Variants in RAB3C observed in about 807,000 individuals in gnomAD.
RAB3C encodes ras-related protein Rab-3C.
RAB3C carries 17 observed loss-of-function variants against 26.4 expected under a neutral mutation model. The observed-to-expected ratio is 0.64, with a 90% CI of 0.44 to 0.97. RAB3C has a LOEUF of 0.97. Ranked by LOEUF, RAB3C falls within the 50% of genes least tolerant of loss-of-function variation. The pLI, the probability that RAB3C is intolerant of heterozygous loss-of-function variation, is 0.00. For synonymous variants in RAB3C, 91 were observed against 95.9 expected (o/e 0.95, Z 0.30); for missense variants, 242 against 281.9 (o/e 0.86, Z 1.01).
At chr5:58,846,517 T>A (rs559716726) in intron 4 of RAB3C, among the ~76,000 whole-genome samples, 1 of 152,244 alleles carries the variant, frequency 6.6e-6, no homozygotes, top group Non-Finnish European at 1.5e-5. Flanking sequence ...TAGCTGGGAT[T>A]ACAGGATTGT....
chr5:58,857,662 C>T lies in RAB3C; in HGVS notation c.*6311C>T, dbSNP rs1003780720. The T allele has an allele frequency of 6.6e-6, 1 of 152,116 alleles. No homozygotes were observed. The highest frequency in any genetic ancestry group is 1.5e-5 in the Non-Finnish European group (1 of 68,018). The allele number at this position is 152,116 out of a possible 1,614,324, so 9.4% of individuals were successfully genotyped here. On this transcript the variant is annotated 3_prime_UTR_variant, in exon 5 of 5. Transcript: ENST00000282878. ...TGTCAACCCTGGGAATTCTAAAATA[C>T]CAATGTATTTTTAGGTTGTAGCTAA...
intron 2 of RAB3C, among the ~76,000 whole-genome samples, chr5:58,714,354 A>G (rs1749124586): frequency 6.6e-6 from 1 of 152,192 alleles, no homozygotes; most frequent in African/African-American, 2.4e-5. Flanking sequence ...CTATAACTAG[A>G]ATTATATACC....
rs116232643 is a variant in RAB3C, at chr5:58,796,145, T to C, written c.372-28893T>C. Reference sequence around the variant, plus strand: ...AATAAAAATCTAACAGGGTCTGGGGTTCTCCAAAGCCTTTTAGTGTTAGAT... The same window carrying C: ...AATAAAAATCTAACAGGGTCTGGGGCTCTCCAAAGCCTTTTAGTGTTAGAT... On this transcript the variant is annotated intron_variant, in intron 3 of 4. Transcript: ENST00000282878. 5.5e-3 allele frequency among the ~76,000 whole-genome samples: 832 copies of C among 152,132 alleles called. 12 individuals are homozygous for C. The highest frequency in any genetic ancestry group is 0.019 in the African/African-American group (786 of 41,500).
intron 2 of RAB3C, among the ~76,000 whole-genome samples, chr5:58,714,389 G>T (rs1373200817): frequency 6.6e-6 from 1 of 152,046 alleles, no homozygotes; most frequent in African/African-American, 2.4e-5. Flanking sequence ...TCATAAGTAA[G>T]GGTTAAACAA....
chr5:58,734,916 C>A (rs1741102673), intron 3 of RAB3C, among the ~76,000 whole-genome samples: 1 of 152,234 alleles, frequency 6.6e-6, no homozygotes, highest in Admixed American at 6.5e-5. Context: ...TGTTGTCCTG[C>A]AAGCCTCCAT....
intron 2 of RAB3C, among the ~76,000 whole-genome samples, chr5:58,654,049 T>C (rs1747712359): frequency 6.6e-6 from 1 of 152,214 alleles, no homozygotes; most frequent in East Asian, 1.9e-4. Flanking sequence ...AATTTAATGT[T>C]TTCTGCATTT....
chr5:58,614,310 A>G (rs1746777518), intron 1 of RAB3C, among the ~76,000 whole-genome samples: 1 of 152,076 alleles, frequency 6.6e-6, no homozygotes, highest in African/African-American at 2.4e-5. Flanking sequence ...ATGCTGTCAA[A>G]TTGCTTCACT....
rs541162269 is a variant in RAB3C at position 58,617,877 on chromosome 5, G to A, written c.252+7G>A. The A allele has an allele frequency of 5.1e-6, 8 of 1,567,268 alleles. No homozygotes were observed. The South Asian group carries it at 7.9e-5, about 15-fold the overall frequency. On this transcript the variant is annotated splice_region_variant and intron_variant, in intron 2 of 4. Coordinates refer to ENST00000282878, the MANE Select transcript of RAB3C (RefSeq NM_138453.4). ...AATCAAGCTTCAGATTTGGGTAAGT[G>A]GCTTTGAACTGGCAGTGTTCTTCAG...
At chr5:58,792,667 C>T (rs1403988728) in intron 3 of RAB3C, among the ~76,000 whole-genome samples, 1 of 152,010 alleles carries the variant, frequency 6.6e-6, no homozygotes, top group African/African-American at 2.4e-5. Flanking sequence ...TTCCCAACAA[C>T]CCTTCCTATA....
intron 2 of RAB3C, among the ~76,000 whole-genome samples, chr5:58,639,048 C>T (rs1579831140): frequency 6.6e-6 from 1 of 152,170 alleles, no homozygotes; most frequent in South Asian, 2.1e-4. Context: ...GAAACACTGC[C>T]ACTCTCACAC....
intron 4 of RAB3C, 100 bp from the exon 5 acceptor site, chr5:58,851,064 G>T: frequency 8.6e-7 from 1 of 1,169,448 alleles, no homozygotes. Context: ...ACCCACTGAT[G>T]TCTCACCATC....
chr5:58,585,145 A>G (rs988477496), intron 1 of RAB3C, among the ~76,000 whole-genome samples: 8 of 152,050 alleles, frequency 5.3e-5, no homozygotes, highest in Admixed American at 4.6e-4. Flanking sequence ...AGGAAATCAA[A>G]GACTTTTTTA....
chr5:58,600,864 C>T (rs1379176634), intron 1 of RAB3C, among the ~76,000 whole-genome samples: 2 of 152,016 alleles, frequency 1.3e-5, no homozygotes, highest in East Asian at 3.9e-4. Context: ...ACTTTGGGAT[C>T]AGACTTTCAA....
rs904669531 is a variant in RAB3C, at chr5:58,747,288, A to C, written c.371+21168A>C. On this transcript the variant is annotated intron_variant, in intron 3 of 4. Coordinates refer to ENST00000282878, the MANE Select transcript of RAB3C (RefSeq NM_138453.4). ...AAATGTTAATTTCAGATGAATGATG[A>C]ATAAATTTTTGGTATAAGTTTCCCA... is the stretch of plus-strand genomic sequence containing the variant. Among the ~76,000 whole-genome samples the C allele has an allele frequency of 3.9e-5, 6 of 152,230 alleles. No homozygotes were observed. In the South Asian group the frequency reaches 1.0e-3, roughly 26 times the overall value.
intron 1 of RAB3C, among the ~76,000 whole-genome samples, chr5:58,604,329 A>G (rs943060919): frequency 1.3e-5 from 2 of 152,292 alleles, no homozygotes; most frequent in South Asian, 2.1e-4. Context: ...CAGCTGTAGT[A>G]GTGTGGAGAG....
intron 2 of RAB3C, among the ~76,000 whole-genome samples, chr5:58,662,201 A>T (rs1221258032): frequency 6.7e-6 from 1 of 150,102 alleles, no homozygotes; most frequent in Admixed American, 6.6e-5. Context: ...TAGACTCTGG[A>T]AGGGGCAAAA....
At chr5:58,600,788 C>A (rs1303219923) in intron 1 of RAB3C, among the ~76,000 whole-genome samples, 1 of 152,086 alleles carries the variant, frequency 6.6e-6, no homozygotes, top group Non-Finnish European at 1.5e-5. Flanking sequence ...TTATCATCAG[C>A]AAACAGTGAC....
chr5:58,804,237 G>C (rs765467422), intron 3 of RAB3C, among the ~76,000 whole-genome samples: 42 of 152,182 alleles, frequency 2.8e-4, no homozygotes, highest in Non-Finnish European at 4.4e-5. Flanking sequence ...GTAGTGACCA[G>C]CTATATTTTT....
chr5:58,652,707 A>T (rs1242781765), intron 2 of RAB3C, among the ~76,000 whole-genome samples: 1 of 151,694 alleles, frequency 6.6e-6, no homozygotes, highest in Non-Finnish European at 1.5e-5. Flanking sequence ...AAGGAAAAAA[A>T]AAAAAACAAG....
Sources: allele counts gnomAD v4.1 joint callset (sites outside exome capture counted in the v4.1 genomes callset), GRCh38; gene constraint gnomAD v4.1.1; transcripts MANE v1.5; gene names NCBI Gene and HGNC (gene_info 2026-07-23, HGNC 2026-07-21).